The following MED12L variants were observed in gnomAD, a reference collection of about 807,000 sequenced individuals.
MED12L encodes mediator complex subunit 12L, also known as mediator of RNA polymerase II transcription subunit 12-like protein.
In MED12L, 60 loss-of-function variants were observed where a neutral mutation model predicts 281.3. That is an observed-to-expected ratio of 0.21 (90% confidence interval 0.17 to 0.26). MED12L has a LOEUF of 0.26. Ranked by LOEUF, MED12L falls within the 10% of genes least tolerant of loss-of-function variation. MED12L has a pLI of 1.00. For missense variants in MED12L, 2,146 were observed against 2,680.9 expected, an observed-to-expected ratio of 0.80 and a Z score of 4.41; for synonymous variants, 974 against 987.2, an observed-to-expected ratio of 0.99 and a Z score of 0.25.
rs113815138 is a variant in MED12L, at chr3:151,262,892, A to C, written c.2250+69226A>C. 6.5e-3 allele frequency among the ~76,000 whole-genome samples: 989 copies of C among 152,314 alleles called. 7 individuals are homozygous for C. Among genetic ancestry groups the C allele is most frequent in the South Asian group, 0.014 (67 of 4,824 alleles). On this transcript the variant is annotated intron_variant, in intron 16 of 44. Coordinates refer to ENST00000687756, the MANE Select transcript of MED12L (RefSeq NM_001393769.1). Reference sequence around the variant, plus strand: ...CCTCAGTTAAATGATAGAGGGCAGTAAGGCTTGGTGAGGTTAAGCATTTTG... The same window carrying C: ...CCTCAGTTAAATGATAGAGGGCAGTCAGGCTTGGTGAGGTTAAGCATTTTG...
intron 15 of MED12L, 143 bp from the exon 16 acceptor site, chr3:151,193,347 C>T (rs1724228527): frequency 1.6e-6 from 1 of 606,538 alleles, no homozygotes; most frequent in Non-Finnish European, 2.9e-6. Context: ...GAAATTAACA[C>T]AATTTCTTCA....
chr3:151,409,365 A>G, intron 40 of MED12L, 33 bp downstream of exon 40: 1 of 1,596,562 alleles, frequency 6.3e-7, no homozygotes, highest in Non-Finnish European at 8.6e-7. Context: ...TACTGACAGG[A>G]TTTTCAAAGC....
intron 5 of MED12L, among the ~76,000 whole-genome samples, chr3:151,135,761 G>A (rs1025023550): frequency 1.3e-5 from 2 of 152,194 alleles, no homozygotes; most frequent in African/African-American, 4.8e-5. Flanking sequence ...GTGGCTCTGA[G>A]CAGCATCTGA....
intron 39 of MED12L, among the ~76,000 whole-genome samples, chr3:151,396,968 G>T (rs568162724): frequency 6.6e-5 from 10 of 152,284 alleles, no homozygotes; most frequent in African/African-American, 2.4e-4. Context: ...GTACCTTGAT[G>T]ACACCATTAC....
chr3:151,159,740 C>A, intron 7 of MED12L, 92 bp from the exon 8 acceptor site: 1 of 1,282,778 alleles, frequency 7.8e-7, no homozygotes, highest in Non-Finnish European at 1.1e-6. Flanking sequence ...GTTTTTTTAT[C>A]TTTTTTAAAT....
At chr3:151,337,907 C>G (rs1751236102) in intron 16 of MED12L, 1 of 1,614,116 alleles carries the variant, frequency 6.2e-7, no homozygotes, top group Non-Finnish European at 8.5e-7. Flanking sequence ...TGGGGCACTT[C>G]AGCATACTTA....
In MED12L at chr3:151,200,101, C is replaced by T. The variant is rs188948035; in HGVS notation, c.2250+6435C>T. Among the ~76,000 whole-genome samples, 15 of 152,276 alleles carry T rather than the reference C, an allele frequency of 9.9e-5. No homozygotes were observed. The East Asian group carries it at 2.5e-3, about 25-fold the overall frequency. On this transcript the variant is annotated intron_variant, in intron 16 of 44. Coordinates refer to ENST00000687756, the MANE Select transcript of MED12L (RefSeq NM_001393769.1). ...AAACATCTGACTTCAACACTTGAGT[C>T]GCTTTTTTTTTCTTTCATTGTGGGT...
intron 2 of MED12L, among the ~76,000 whole-genome samples, chr3:151,113,673 A>G (rs905721714): frequency 2.6e-5 from 4 of 152,222 alleles, no homozygotes; most frequent in African/African-American, 4.8e-5. Context: ...TCAGAACTCA[A>G]AGCTCCCAAT....
intron 20 of MED12L, among the ~76,000 whole-genome samples, chr3:151,358,139 A>G (rs969197673): frequency 2.6e-5 from 4 of 152,134 alleles, no homozygotes; most frequent in Non-Finnish European, 4.4e-5. Context: ...CATGTAATCA[A>G]TTTATATGCT....
At chr3:151,118,510 A>G (rs1370537893) in intron 3 of MED12L, among the ~76,000 whole-genome samples, 2 of 152,162 alleles carry the variant, frequency 1.3e-5, no homozygotes, top group Non-Finnish European at 2.9e-5. Flanking sequence ...TATGTAATTT[A>G]TGATTCTTTT....
At chr3:151,340,891 G>A (rs925244489) in intron 16 of MED12L, 1 of 152,184 alleles carries the variant, frequency 6.6e-6, no homozygotes, top group African/African-American at 2.4e-5. Context: ...TTATTTCCCA[G>A]GAAATGTGGG....
intron 5 of MED12L, among the ~76,000 whole-genome samples, chr3:151,130,609 C>T (rs182555383): frequency 6.6e-6 from 1 of 152,292 alleles, no homozygotes; most frequent in Non-Finnish European, 1.5e-5. Flanking sequence ...TGTAACTCAG[C>T]GACGCCAGCG....
chr3:151,360,134 G>A (rs911767115), intron 20 of MED12L, among the ~76,000 whole-genome samples: 7 of 152,068 alleles, frequency 4.6e-5, no homozygotes, highest in Non-Finnish European at 1.0e-4. Context: ...GTGAATCTGC[G>A]GAGGCAGGGG....
At chr3:151,134,456 C>T (rs1715855217) in intron 5 of MED12L, among the ~76,000 whole-genome samples, 2 of 152,180 alleles carry the variant, frequency 1.3e-5, no homozygotes, top group South Asian at 2.1e-4. Context: ...AAACTTGGCT[C>T]CAGAGCCTGT....
At chr3:151,396,546 A>G (rs1714995432) in intron 39 of MED12L, among the ~76,000 whole-genome samples, 1 of 152,200 alleles carries the variant, frequency 6.6e-6, no homozygotes, top group African/African-American at 2.4e-5. Flanking sequence ...GAATTACTTG[A>G]ACCTGGGAGG....
chr3:151,294,504 G>A (rs1165721246), intron 16 of MED12L: 7 of 1,614,030 alleles, frequency 4.3e-6, no homozygotes, highest in African/African-American at 1.3e-5. Context: ...TTATGTTTTC[G>A]CTTTCGGCTT....
chr3:151,145,144 T>C (rs1717595857), intron 5 of MED12L, among the ~76,000 whole-genome samples: 1 of 152,200 alleles, frequency 6.6e-6, no homozygotes, highest in Non-Finnish European at 1.5e-5. Flanking sequence ...GGGGCTGACT[T>C]GCTCTAAAAC....
At chr3:151,337,810 A>T (rs778116081) in intron 16 of MED12L, 2 of 1,612,774 alleles carry the variant, frequency 1.2e-6, no homozygotes, top group African/African-American at 2.7e-5. Context: ...TTCCTTAGTT[A>T]ATTTGTTTAC....
At chr3:151,344,090 C>T (rs1296931378) in intron 16 of MED12L, among the ~76,000 whole-genome samples, 1 of 151,990 alleles carries the variant, frequency 6.6e-6, no homozygotes. Context: ...TGAAATATTT[C>T]GCAAAAATGA....
Sources: gnomAD v4.1 joint callset for allele counts (sites outside exome capture counted in the v4.1 genomes callset) on GRCh38, gnomAD v4.1.1 for gene constraint, MANE v1.5 for transcripts, NCBI Gene and HGNC (gene_info 2026-07-23, HGNC 2026-07-21) for gene names.